MAGEB1: variants seen among roughly 807,000 people sequenced by gnomAD.
MAGEB1 encodes the protein melanoma-associated antigen B1.
For synonymous variants in MAGEB1, 99 were observed against 105.7 expected, an observed-to-expected ratio of 0.94 and a Z score of 0.39; for missense variants, 290 against 286.7, an observed-to-expected ratio of 1.01 and a Z score of -0.08.
At chrX:30,245,519 G>A (rs1009554168), upstream of MAGEB1, among the ~76,000 whole-genome samples, 3 of 111,494 alleles carry the variant, frequency 2.7e-5, no homozygotes, top group Admixed American at 9.5e-5. Context: ...GAACTAGACT[G>A]CTGGTCTGAA....
chrX:30,244,485 C>A (rs1056499083), upstream of MAGEB1, among the ~76,000 whole-genome samples: 1 of 111,457 alleles, frequency 9.0e-6, no homozygotes, highest in Non-Finnish European at 1.9e-5. Flanking sequence ...TATCATATAA[C>A]GAAGGTAATG....
chrX:30,244,887 G>C (rs1009522942), upstream of MAGEB1, among the ~76,000 whole-genome samples: 10 of 111,730 alleles, frequency 9.0e-5, no homozygotes, highest in African/African-American at 3.3e-4. Context: ...TAGTCCCCAG[G>C]GTGTTTCTGA....
At chrX:30,249,419 G>T (rs1319012673) in intron 1 of MAGEB1, among the ~76,000 whole-genome samples, 1 of 111,247 alleles carries the variant, frequency 9.0e-6, no homozygotes, top group African/African-American at 3.3e-5. Flanking sequence ...GTATGTCAGC[G>T]CTAGGAAGCC....
chrX:30,251,796 A>T lies in MAGEB1; in HGVS notation c.*259A>T. ...GAGTTTTGATATTCTATATTTTTCA[A>T]ATCCTTGAATCTTTTTTGGGTTGAA... On this transcript the variant is annotated 3_prime_UTR_variant, in exon 2 of 2. Transcript: ENST00000397548. 1 of 300,303 alleles carries T rather than the reference A, an allele frequency of 3.3e-6. No individual in the cohort carries two copies. The highest frequency in any genetic ancestry group is 6.0e-6 in the Non-Finnish European group (1 of 165,509). The allele number at this position is 300,303 out of a possible 1,213,427, so 24.7% of individuals were successfully genotyped here. A position where few individuals can be genotyped will look rare whatever the true frequency, so the allele number is the denominator to read the frequency against.
chrX:30,249,305 G>C (rs1925427504), intron 1 of MAGEB1, among the ~76,000 whole-genome samples: 1 of 111,363 alleles, frequency 9.0e-6, no homozygotes, highest in African/African-American at 3.3e-5. Context: ...TGATGTAAGG[G>C]GCCTCAGGTC....
At position 30,247,946 on chromosome X, in the gene MAGEB1, GAAAAAAAA is replaced by G. The variant is rs57368527; in HGVS notation, c.-61+706_-61+713del. Among the ~76,000 whole-genome samples the G allele has an allele frequency of 2.4e-4, 11 of 45,941 alleles. No homozygotes were observed. The South Asian group carries it at 0.022, about 94-fold the overall frequency. 39.9% of individuals were successfully genotyped at this position (45,941 alleles called of 115,157 possible). A position where few individuals can be genotyped will look rare whatever the true frequency, so the allele number is the denominator to read the frequency against. Reference sequence around the variant, plus strand: ...GTGACAGAGCGAGACTCAGTCTCAAGAAAAAAAAAAAAAAAAAAAAAAAGTCCCGCTCC... The same window carrying G: ...GTGACAGAGCGAGACTCAGTCTCAAGAAAAAAAAAAAAAAAGTCCCGCTCC... On this transcript the variant is annotated intron_variant, in intron 1 of 1. Transcript: ENST00000397548.
Position 30,250,719 on chromosome X carries a change from T to G in MAGEB1, c.226T>G (p.Cys76Gly), listed in dbSNP as rs1177701855. Residue 76 changes from cysteine (C) to glycine (G), a missense_variant, in exon 2 of 2, where the codon TGT becomes GGT. Transcript: ENST00000397548. The part of the protein sequence containing the change: ...PTTTAAAAVS[C>G]TESDEGAKCQ... Reference sequence around the variant, plus strand: ...CACCACTGCTGCTGCAGCTGTGTCATGTACCGAATCTGACGAAGGTGCCAA... The same window carrying G: ...CACCACTGCTGCTGCAGCTGTGTCAGGTACCGAATCTGACGAAGGTGCCAA... 3 of 1,209,934 alleles carry G rather than the reference T, an allele frequency of 2.5e-6. No homozygotes were observed. The highest frequency in any genetic ancestry group is 3.4e-6 in the Non-Finnish European group (3 of 895,014).
chrX:30,249,901 T>G (rs1483079713), intron 1 of MAGEB1, among the ~76,000 whole-genome samples: 1 of 111,335 alleles, frequency 9.0e-6, no homozygotes, highest in African/African-American at 3.3e-5. Flanking sequence ...AGGCTGAGAC[T>G]TTATTTCTTT....
Position 30,251,541 on chromosome X carries a change from C to T in MAGEB1, c.*4C>T, listed in dbSNP as rs1925532350. ...CAGGTCCTCCCACCCCATGTGAGAA[C>T]TCAGGCAGATTGTTCACTTTGTTTT... On this transcript the variant is annotated 3_prime_UTR_variant, in exon 2 of 2. Coordinates refer to ENST00000397548, the MANE Select transcript of MAGEB1 (RefSeq NM_177404.3). The T allele has an allele frequency of 8.4e-7, 1 of 1,192,804 alleles. No individual in the cohort carries two copies. The highest frequency in any genetic ancestry group is 1.1e-6 in the Non-Finnish European group (1 of 885,848).
chrX:30,249,044 G>A (rs755148860), intron 1 of MAGEB1, among the ~76,000 whole-genome samples: 2 of 111,271 alleles, frequency 1.8e-5, no homozygotes, highest in African/African-American at 6.5e-5. Context: ...TCTCAGCTCT[G>A]GGAAACCCCA....
chrX:30,248,768 C>T (rs1457529701), intron 1 of MAGEB1, among the ~76,000 whole-genome samples: 1 of 111,688 alleles, frequency 9.0e-6, no homozygotes, highest in African/African-American at 3.3e-5. Flanking sequence ...TAGGTAATTC[C>T]AGGAGTCAAA....
At chrX:30,246,113 C>T (rs1294683728), upstream of MAGEB1, among the ~76,000 whole-genome samples, 1 of 111,863 alleles carries the variant, frequency 8.9e-6, no homozygotes, top group Non-Finnish European at 1.9e-5. Context: ...GAGAAAACCA[C>T]TCCAAAATGT....
chrX:30,248,881 G>C (rs752459924), intron 1 of MAGEB1, among the ~76,000 whole-genome samples: 5 of 111,948 alleles, frequency 4.5e-5, no homozygotes, highest in African/African-American at 1.6e-4. Flanking sequence ...GACAATTGTA[G>C]CCAGATGGGA....
At chrX:30,244,433 A>C (rs745858557), upstream of MAGEB1, among the ~76,000 whole-genome samples, 2 of 111,572 alleles carry the variant, frequency 1.8e-5, no homozygotes, top group African/African-American at 3.3e-5. Flanking sequence ...CAACAAAAAA[A>C]CCCCAATCCC....
chrX:30,245,641 T>A (rs773325396), upstream of MAGEB1, among the ~76,000 whole-genome samples: 1 of 111,826 alleles, frequency 8.9e-6, no homozygotes, highest in East Asian at 2.8e-4. Context: ...AAAGAAGAGG[T>A]CTCTGTACCC....
chrX:30,244,732 T>G (rs1925253921), upstream of MAGEB1, among the ~76,000 whole-genome samples: 1 of 111,902 alleles, frequency 8.9e-6, no homozygotes, highest in Non-Finnish European at 1.9e-5. Context: ...GAGACTGGAA[T>G]GAAAAATTGC....
In MAGEB1 at chrX:30,251,688, T is replaced by G; in HGVS notation, c.*151T>G. 4.1e-6 allele frequency: 2 copies of G among 485,085 alleles called. No homozygotes were observed. Among genetic ancestry groups the G allele is most frequent in the Middle Eastern group, 5.2e-4 (1 of 1,909 alleles). 40.0% of individuals were successfully genotyped at this position (485,085 alleles called of 1,213,427 possible). ...TATCTTTCAAGTGTTTTTCTTTTAA[T>G]AGAATGTTTATTTAGAGTTGGGATC... is the stretch of plus-strand genomic sequence containing the variant. On this transcript the variant is annotated 3_prime_UTR_variant, in exon 2 of 2. Transcript: ENST00000397548.
At chrX:30,246,462 C>G (rs142727347), upstream of MAGEB1, 1 of 112,016 alleles carries the variant, frequency 8.9e-6, no homozygotes, top group Non-Finnish European at 1.9e-5. Context: ...CTAGCACCCA[C>G]ATGGCCTCAC....
rs1925549153 is a variant in MAGEB1 at position 30,251,940 on chromosome X, T to C, written c.*403T>C. 1 of 136,059 alleles carries C rather than the reference T, an allele frequency of 7.3e-6. No homozygotes were observed. Among genetic ancestry groups the C allele is most frequent in the Non-Finnish European group, 1.6e-5 (1 of 62,075 alleles). The allele number at this position is 136,059 out of a possible 1,213,427, so 11.2% of individuals were successfully genotyped here. On this transcript the variant is annotated 3_prime_UTR_variant, in exon 2 of 2. Coordinates refer to ENST00000397548, the MANE Select transcript of MAGEB1 (RefSeq NM_177404.3). ...GTAAGCAAAGCATGTCAAGTTTTTG[T>C]TTTCTGCATTCAGTTTTGTTTTTGT...
Sources: gnomAD v4.1 joint callset for allele counts (sites outside exome capture counted in the v4.1 genomes callset) on GRCh38, gnomAD v4.1.1 for gene constraint, MANE v1.5 for transcripts, NCBI Gene and HGNC (gene_info 2026-07-23, HGNC 2026-07-21) for gene names.